The following ESCO2 variants were observed in gnomAD, a reference collection of about 807,000 sequenced individuals.
ESCO2 encodes the protein establishment of sister chromatid cohesion N-acetyltransferase 2, also known as N-acetyltransferase ESCO2.
Under a neutral mutation model 61.7 loss-of-function variants are expected in ESCO2, and 51 were observed. The observed-to-expected ratio is 0.83, with a 90% confidence interval of 0.66 to 1.04. The LOEUF (loss-of-function observed/expected upper bound fraction) is 1.04. Among genes scored for constraint, ESCO2 ranks in the 50% least tolerant of loss-of-function variants. ESCO2 has a pLI of 0.00. For missense variants in ESCO2, 692 were observed against 686.2 expected (o/e 1.01, Z -0.09); for synonymous variants, 230 against 238.2 (o/e 0.97, Z 0.32).
intron 10 of ESCO2, among the ~76,000 whole-genome samples, chr8:27,801,969 A>ATTTTTTTTTTTTTT (rs34539100): frequency 1.2e-5 from 1 of 83,780 alleles, no homozygotes; most frequent in African/African-American, 4.8e-5. Context: ...CCTTCATGGC[A>ATTTTTTTTTTTTTT]TTTTTTTTTT....
At chr8:27,776,260 A>T (rs1164065076) in intron 2 of ESCO2, 102 bp from the exon 3 acceptor site, 1 of 924,896 alleles carries the variant, frequency 1.1e-6, no homozygotes, top group Non-Finnish European at 1.6e-6. Context: ...GGGTACATGT[A>T]TTGTTTTTAA....
downstream of ESCO2, chr8:27,811,460 A>G (rs1355723968): frequency 1.3e-5 from 6 of 449,324 alleles, no homozygotes; most frequent in Admixed American, 2.2e-4. Flanking sequence ...TGTGTGTGCA[A>G]GCTGCGTGAC....
At chr8:27,810,355 C>A (rs763142735), downstream of ESCO2, 3 of 1,612,954 alleles carry the variant, frequency 1.9e-6, no homozygotes, top group Non-Finnish European at 2.5e-6. Context: ...GAAGGACGAT[C>A]TTTAGGGTCT....
upstream of ESCO2, among the ~76,000 whole-genome samples, chr8:27,772,250 C>T (rs932011283): frequency 6.6e-6 from 1 of 152,204 alleles, no homozygotes; most frequent in African/African-American, 2.4e-5. Flanking sequence ...GACGTCTTTC[C>T]GATTAGGGGA....
downstream of ESCO2, chr8:27,811,036 CA>C (rs758009033): frequency 6.2e-7 from 1 of 1,613,016 alleles, no homozygotes. Context: ...AGGCCAAAGG[CA>C]AATATGTCTG....
At chr8:27,778,272 T>TA (rs1356588769) in intron 3 of ESCO2, 3 of 152,242 alleles carry the variant, frequency 2.0e-5, no homozygotes, top group South Asian at 2.1e-4. Context: ...TCATTTTACT[T>TA]ACTGCTGCCC....
At chr8:27,775,436 G>T (rs923922856) in intron 1 of ESCO2, 63 bp from the exon 2 acceptor site, 1 of 1,359,916 alleles carries the variant, frequency 7.4e-7, no homozygotes, top group Non-Finnish European at 1.1e-6. Flanking sequence ...ATTAAAGGGG[G>T]TATAATTTTG....
At chr8:27,798,845 G>GT (rs1000998633) in intron 9 of ESCO2, among the ~76,000 whole-genome samples, 20 of 152,320 alleles carry the variant, frequency 1.3e-4, no homozygotes, top group Admixed American at 7.8e-4. Flanking sequence ...TAAATTGGTG[G>GT]TTGTCAGGGA....
chr8:27,796,268 T>A (rs1805294377), intron 9 of ESCO2, among the ~76,000 whole-genome samples: 2 of 152,164 alleles, frequency 1.3e-5, no homozygotes, highest in Admixed American at 6.5e-5. Flanking sequence ...TCTGTGATAA[T>A]CAGTTGTAAT....
intron 5 of ESCO2, among the ~76,000 whole-genome samples, chr8:27,785,890 A>G (rs1805030124): frequency 6.6e-6 from 1 of 152,216 alleles, no homozygotes; most frequent in African/African-American, 2.4e-5. Flanking sequence ...TTTAGAGAGT[A>G]TCACATGCTA....
chr8:27,802,633 A>ATC (rs1563482351), intron 10 of ESCO2, among the ~76,000 whole-genome samples: 1 of 53,858 alleles, frequency 1.9e-5, no homozygotes, highest in Non-Finnish European at 3.3e-5. Context: ...AAAAAAAAAT[A>ATC]TATATATATA....
chr8:27,798,407 C>A (rs568130745), intron 9 of ESCO2, among the ~76,000 whole-genome samples: 1 of 151,526 alleles, frequency 6.6e-6, no homozygotes, highest in Non-Finnish European at 1.5e-5. Context: ...TTGCAGTGAG[C>A]GAGATCGTGC....
upstream of ESCO2, among the ~76,000 whole-genome samples, chr8:27,773,484 G>GT (rs1804703182): frequency 2.0e-5 from 3 of 151,826 alleles, no homozygotes; most frequent in Non-Finnish European, 4.4e-5. Flanking sequence ...GGGGGAGGGG[G>GT]GTTGGAATCT....
chr8:27,796,784 C>T (rs1805307089), intron 9 of ESCO2, among the ~76,000 whole-genome samples: 1 of 152,104 alleles, frequency 6.6e-6, no homozygotes, highest in Non-Finnish European at 1.5e-5. Flanking sequence ...GGATGGAATA[C>T]TATATGTGTT....
chr8:27,786,090 G>T (rs1424512409), intron 5 of ESCO2, among the ~76,000 whole-genome samples: 2 of 152,170 alleles, frequency 1.3e-5, no homozygotes, highest in African/African-American at 4.8e-5. Context: ...GGTGAAAAGG[G>T]TCAGTGACTT....
chr8:27,778,518 T>A (rs1350880608), intron 3 of ESCO2: 2 of 152,254 alleles, frequency 1.3e-5, no homozygotes, highest in Admixed American at 6.5e-5. Flanking sequence ...TTTATACTTA[T>A]ACATTTGTAT....
chr8:27,781,528 T>C (rs1403620815), intron 4 of ESCO2, among the ~76,000 whole-genome samples: 1 of 152,116 alleles, frequency 6.6e-6, no homozygotes, highest in Non-Finnish European at 1.5e-5. Flanking sequence ...TATAATACTT[T>C]TGTCAAAACT....
At chr8:27,785,778 G>A (rs1055289819) in intron 5 of ESCO2, among the ~76,000 whole-genome samples, 3 of 151,802 alleles carry the variant, frequency 2.0e-5, no homozygotes, top group African/African-American at 4.8e-5. Context: ...CAAAACGTCA[G>A]TTATCAGCAA....
At chr8:27,801,823 T>C (rs565481986) in intron 10 of ESCO2, among the ~76,000 whole-genome samples, 3 of 152,270 alleles carry the variant, frequency 2.0e-5, no homozygotes, top group Admixed American at 2.0e-4. Context: ...CCTTCATGCA[T>C]TGGTGTGTTT....
Sources: allele counts gnomAD v4.1 joint callset (sites outside exome capture counted in the v4.1 genomes callset), GRCh38; gene constraint gnomAD v4.1.1; transcripts MANE v1.5; gene names NCBI Gene and HGNC (gene_info 2026-07-23, HGNC 2026-07-21).